Variants in HECW1 observed in about 807,000 individuals in gnomAD.
The protein encoded by HECW1 is E3 ubiquitin-protein ligase HECW1.
HECW1 carries 61 observed loss-of-function variants against 182.3 expected under a neutral mutation model. The ratio of observed to expected loss-of-function variants is 0.33; its 90% CI spans 0.27 to 0.41. The LOEUF (loss-of-function observed/expected upper bound fraction) is 0.41. Among genes scored for constraint, HECW1 ranks in the 10% least tolerant of loss-of-function variants. The pLI, the probability that HECW1 is intolerant of heterozygous loss-of-function variation, is 1.00. For missense variants in HECW1, 1,739 were observed against 2,108.9 expected, an observed-to-expected ratio of 0.82 and a Z score of 3.44; for synonymous variants, 859 against 832.6, an observed-to-expected ratio of 1.03 and a Z score of -0.55.
At chr7:43,232,871 T>G (rs1798003658) in intron 2 of HECW1, among the ~76,000 whole-genome samples, 1 of 152,220 alleles carries the variant, frequency 6.6e-6, no homozygotes. Flanking sequence ...TTAACCCATG[T>G]GCCTTTGCTC....
Position 43,552,071 on chromosome 7 carries a change from G to A in HECW1, c.4396-151G>A, listed in dbSNP as rs562853437. 2.2e-4 allele frequency: 135 copies of A among 627,888 alleles called. No individual in the cohort carries two copies. The African/African-American group carries it at 2.2e-3, about 10-fold the overall frequency. The allele number at this position is 627,888 out of a possible 1,614,324, so 38.9% of individuals were successfully genotyped here. On this transcript the variant is annotated intron_variant, in intron 27 of 29. Transcript: ENST00000395891. ...AAAGGATATAAACATTCAGATCATAGCAATAATTTTCAAGTTAAAAATGAT... is the reference window on the plus strand; with the variant it reads ...AAAGGATATAAACATTCAGATCATAACAATAATTTTCAAGTTAAAAATGAT...
In HECW1 at chr7:43,444,244, G is replaced by A. The variant is rs560048116; in HGVS notation, c.1072G>A (p.Glu358Lys). ...TGATGAGGAGATTTCCCTGAGTACCGAGCCTGAGTCAGCCCAAATTCAGGA... is the reference window on the plus strand; with the variant it reads ...TGATGAGGAGATTTCCCTGAGTACCAAGCCTGAGTCAGCCCAAATTCAGGA... ...PDDEEISLSTEPESAQIQDSP... is the reference protein window; with the variant it reads ...PDDEEISLSTKPESAQIQDSP... The change falls in exon 11 of 30, where the codon GAG becomes AAG. Residue 358 changes from glutamate (E) to lysine (K), a missense_variant. Around this residue, in one of 5 missense-constraint regions of HECW1, gnomAD observed 66 missense variants for 113.8 expected, o/e 0.58. Coordinates refer to ENST00000395891, the MANE Select transcript of HECW1 (RefSeq NM_015052.5). The surrounding 1 kb of genome is among the most constrained non-coding windows in gnomAD (Gnocchi z 4.3). The A allele has an allele frequency of 1.8e-5, 29 of 1,609,158 alleles. 2 individuals carry two copies. In the South Asian group the frequency reaches 2.3e-4, roughly 13 times the overall value.
chr7:43,515,676 C>T (rs1246477186), intron 24 of HECW1, among the ~76,000 whole-genome samples: 1 of 152,140 alleles, frequency 6.6e-6, no homozygotes, highest in Non-Finnish European at 1.5e-5. Flanking sequence ...ATGTAGTACC[C>T]TCTATTTTAA....
chr7:43,354,438 A>G (rs1410690608), intron 5 of HECW1, among the ~76,000 whole-genome samples: 6 of 152,204 alleles, frequency 3.9e-5, no homozygotes, highest in Non-Finnish European at 5.9e-5. Context: ...TCAGAAATTT[A>G]TCAAGGAAAT....
At chr7:43,498,016 AG>A (rs921564626) in intron 19 of HECW1, among the ~76,000 whole-genome samples, 2 of 152,078 alleles carry the variant, frequency 1.3e-5, no homozygotes, top group African/African-American at 4.8e-5. Flanking sequence ...CCGATGGTCA[AG>A]GGATATATGT....
At chr7:43,365,382 GGAAT>G (rs752706036) in intron 6 of HECW1, among the ~76,000 whole-genome samples, 36 of 152,358 alleles carry the variant, frequency 2.4e-4, no homozygotes, top group Middle Eastern at 3.4e-3. Flanking sequence ...AGGTAGCTGG[GGAAT>G]GACTCTGGTA....
chr7:43,405,435 G>C (rs527365968), intron 7 of HECW1, among the ~76,000 whole-genome samples: 74 of 152,206 alleles, frequency 4.9e-4, no homozygotes, highest in African/African-American at 1.5e-3. Context: ...GCAAAGTCTG[G>C]AGGAAGCCAG....
At position 43,501,235 on chromosome 7, in the gene HECW1, T is replaced by G; in HGVS notation, c.3544T>G (p.Ser1182Ala). Reference protein sequence around the residue: ...LLSLFEEEIMSYVPLQAAFHP... With the variant: ...LLSLFEEEIMAYVPLQAAFHP... Reference sequence around the variant, plus strand: ...CAGTCTCTTTGAAGAAGAGATTATGTCCTACGTCCCCCTGCAGGCTGCCTT... The same window carrying G: ...CAGTCTCTTTGAAGAAGAGATTATGGCCTACGTCCCCCTGCAGGCTGCCTT... The change falls in exon 21 of 30, where the codon TCC becomes GCC. Residue 1182 changes from serine to alanine, a missense_variant. This residue lies in a region of HECW1 where 420 missense variants were observed against 595.7 expected (regional missense o/e 0.71). Coordinates refer to ENST00000395891, the MANE Select transcript of HECW1 (RefSeq NM_015052.5). The G allele has an allele frequency of 1.9e-6, 3 of 1,563,302 alleles. No individual in the cohort carries two copies. Among genetic ancestry groups the G allele is most frequent in the Non-Finnish European group, 2.6e-6 (3 of 1,136,092 alleles).
chr7:43,139,054 T>C (rs1240712907), intron 2 of HECW1, among the ~76,000 whole-genome samples: 1 of 152,190 alleles, frequency 6.6e-6, no homozygotes, highest in Non-Finnish European at 1.5e-5. Flanking sequence ...CGTTTTCACA[T>C]CCTTCGTGCC....
At chr7:43,350,787 T>C (rs1352722248) in intron 5 of HECW1, among the ~76,000 whole-genome samples, 1 of 152,240 alleles carries the variant, frequency 6.6e-6, no homozygotes, top group Non-Finnish European at 1.5e-5. Flanking sequence ...ATTTTTTGGA[T>C]TTCCTTGCAT....
intron 2 of HECW1, among the ~76,000 whole-genome samples, chr7:43,198,881 G>A (rs528130633): frequency 2.4e-4 from 36 of 152,340 alleles, no homozygotes; most frequent in Non-Finnish European, 4.6e-4. Flanking sequence ...GGTGAAGTAG[G>A]AAGCACCCTC....
intron 6 of HECW1, 115 bp downstream of exon 6, chr7:43,361,095 T>TAC: frequency 1.5e-6 from 1 of 656,730 alleles, no homozygotes; most frequent in Non-Finnish European, 2.7e-6. Flanking sequence ...TGTGTACGTG[T>TAC]ACATACACAC....
intron 2 of HECW1, among the ~76,000 whole-genome samples, chr7:43,142,630 T>C: frequency 6.6e-6 from 1 of 152,282 alleles, no homozygotes; most frequent in Admixed American, 6.5e-5. Context: ...TGGCTTCTAA[T>C]TTTTTGTTTT....
Position 43,311,816 on chromosome 7 carries a change from A to G in HECW1, c.81A>G (p.Arg27=). 6.2e-7 allele frequency: 1 copy of G among 1,614,088 alleles called. No homozygotes were observed. The highest frequency in any genetic ancestry group is 1.6e-4 in the Middle Eastern group (1 of 6,062). The change falls in exon 4 of 30, where the codon AGA becomes AGG. Residue 27 remains arginine, a synonymous_variant. Coordinates refer to ENST00000395891, the MANE Select transcript of HECW1 (RefSeq NM_015052.5). ...TGGCCGCCATGGCGTCTCCTTCTAG[A>G]AACTCCCAGAGCCGACGCCGGTGCA... is the stretch of plus-strand genomic sequence containing the variant. The part of the protein sequence containing the change: ...LGLAAMASPS[R]NSQSRRRCKE...
chr7:43,177,442 TGA>T (rs2152672719), intron 2 of HECW1, among the ~76,000 whole-genome samples: 2 of 152,350 alleles, frequency 1.3e-5, no homozygotes, highest in Admixed American at 1.3e-4. Context: ...CAGTCTGGAC[TGA>T]GTTTGTCCCT....
At chr7:43,140,847 C>G (rs1788079351) in intron 2 of HECW1, among the ~76,000 whole-genome samples, 1 of 152,124 alleles carries the variant, frequency 6.6e-6, no homozygotes. Context: ...TTCTGGCTTC[C>G]CGGTGGCCAC....
At chr7:43,540,935 T>C (rs543908061) in intron 24 of HECW1, among the ~76,000 whole-genome samples, 86 of 152,320 alleles carry the variant, frequency 5.6e-4, no homozygotes, top group African/African-American at 1.8e-3. Context: ...GACTCGAGTC[T>C]GCTACATGGC....
Position 43,342,342 on chromosome 7 carries a change from C to T in HECW1, c.461-18544C>T, listed in dbSNP as rs545597271. On this transcript the variant is annotated intron_variant, in intron 5 of 29. Coordinates refer to ENST00000395891, the MANE Select transcript of HECW1 (RefSeq NM_015052.5). ...TCAAAAGTCACAGCCTTTCTCTAAG[C>T]TGCTTATTTCTTAAAATCCATTTAA... Among the ~76,000 whole-genome samples, 3 of 151,884 alleles carry T rather than the reference C, an allele frequency of 2.0e-5. No homozygotes were observed. In the South Asian group the frequency reaches 6.2e-4, roughly 31 times the overall value.
intron 8 of HECW1, among the ~76,000 whole-genome samples, chr7:43,408,331 A>G (rs901779868): frequency 6.6e-6 from 1 of 151,924 alleles, no homozygotes; most frequent in Non-Finnish European, 1.5e-5. Context: ...GCCCTTCTCC[A>G]CTCCTGAAAG....
Sources: gnomAD v4.1 joint callset for allele counts (sites outside exome capture counted in the v4.1 genomes callset) on GRCh38, gnomAD v4.1.1 for gene constraint, gnomAD v4.1.1 regional missense constraint, Gnocchi (gnomAD v3.1) non-coding constraint, MANE v1.5 for transcripts, NCBI Gene and HGNC (gene_info 2026-07-23, HGNC 2026-07-21) for gene names.